The following RAB6B variants were observed in gnomAD, a reference collection of about 807,000 sequenced individuals.
The protein encoded by RAB6B is RAB6B, member RAS oncogene family.
RAB6B carries 7 observed loss-of-function variants against 31.2 expected under a neutral mutation model. The observed-to-expected ratio is 0.22, with a 90% CI of 0.13 to 0.42. The LOEUF is 0.42. Ranked by LOEUF, RAB6B falls within the 10% of genes least tolerant of loss-of-function variation. The pLI is 1.00. For missense variants in RAB6B, 149 were observed against 280.6 expected (o/e 0.53, Z 3.35); for synonymous variants, 105 against 104.9 (o/e 1.00, Z -0.01).
intron 4 of RAB6B, among the ~76,000 whole-genome samples, chr3:133,840,012 G>A (rs367956015): frequency 2.8e-4 from 43 of 152,200 alleles, no homozygotes; most frequent in Middle Eastern, 3.4e-3. Context: ...ACACATGCGC[G>A]CGCGACTTGG....
chr3:133,839,451 G>T, intron 5 of RAB6B, 55 bp downstream of exon 5: 1 of 1,427,610 alleles, frequency 7.0e-7, no homozygotes, highest in Non-Finnish European at 9.9e-7. Flanking sequence ...CTGTCCAGGA[G>T]CAGTTACAGA....
Position 133,825,188 on chromosome 3 carries a change from A to T in RAB6B, c.*3600T>A, listed in dbSNP as rs893056108. ...GGTCCCATCTCATCCTGACATCCTC[A>T]CCTGCCTTCCATCTTGTGAAGGAAT... is the stretch of plus-strand genomic sequence containing the variant. On this transcript the variant is annotated 3_prime_UTR_variant, in exon 8 of 8. Coordinates refer to ENST00000285208, the MANE Select transcript of RAB6B (RefSeq NM_016577.4). 2 of 151,956 alleles carry T rather than the reference A, an allele frequency of 1.3e-5. No homozygotes were observed. Among genetic ancestry groups the T allele is most frequent in the Admixed American group, 6.6e-5 (1 of 15,250 alleles). The allele number at this position is 151,956 out of a possible 1,614,324, so 9.4% of individuals were successfully genotyped here. A position where few individuals can be genotyped will look rare whatever the true frequency, so the allele number is the denominator to read the frequency against.
At chr3:133,841,173 C>T (rs11272529) in intron 4 of RAB6B, 112 bp downstream of exon 4, 51,260 of 702,980 alleles carry the variant, frequency 0.073, 2,059 homozygotes, top group East Asian at 0.18. Context: ...CACACACATG[C>T]GTGTGCACAC....
At chr3:133,864,780 G>C in intron 1 of RAB6B, 138 bp from the exon 2 acceptor site, 1 of 838,656 alleles carries the variant, frequency 1.2e-6, no homozygotes, top group Non-Finnish European at 2.0e-6. Flanking sequence ...AGAAGTGGGA[G>C]ACAGGCCCCT....
At chr3:133,868,709 G>T (rs1463440183) in intron 1 of RAB6B, among the ~76,000 whole-genome samples, 1 of 152,208 alleles carries the variant, frequency 6.6e-6, no homozygotes, top group East Asian at 1.9e-4. Flanking sequence ...GCAAGGAGAT[G>T]CATTTCTCCT....
At chr3:133,852,475 C>CT (rs5852767) in intron 2 of RAB6B, among the ~76,000 whole-genome samples, 115,959 of 142,524 alleles carry the variant, frequency 0.81, 49,058 homozygotes, top group Non-Finnish European at 0.95. Flanking sequence ...TTTTCTTTTT[C>CT]TTTTTTTTTT....
chr3:133,892,665 A>G (rs1002923009), intron 1 of RAB6B, among the ~76,000 whole-genome samples: 1 of 152,178 alleles, frequency 6.6e-6, no homozygotes, highest in African/African-American at 2.4e-5. Context: ...CACTCGGCTC[A>G]TATCGGCAAG....
intron 4 of RAB6B, among the ~76,000 whole-genome samples, chr3:133,840,572 T>A (rs1447281115): frequency 1.3e-5 from 2 of 152,178 alleles, no homozygotes; most frequent in African/African-American, 4.8e-5. Context: ...GGGACATGCA[T>A]GCTTCCTTGT....
chr3:133,873,075 C>T (rs536570458), intron 1 of RAB6B, among the ~76,000 whole-genome samples: 4 of 152,322 alleles, frequency 2.6e-5, no homozygotes, highest in African/African-American at 7.2e-5. Flanking sequence ...ACCCCATCTC[C>T]TCTATCCAAA....
At position 133,827,958 on chromosome 3, in the gene RAB6B, A is replaced by G. The variant is rs1465557639; in HGVS notation, c.*830T>C. On this transcript the variant is annotated 3_prime_UTR_variant, in exon 8 of 8. Coordinates refer to ENST00000285208, the MANE Select transcript of RAB6B (RefSeq NM_016577.4). ...TGGCACCCCAGTCTATAAACCACGC[A>G]CCACGCAGCTGCAATTGCCAACAGC... 10 of 702,844 alleles carry G rather than the reference A, an allele frequency of 1.4e-5. No individual in the cohort carries two copies. The highest frequency in any genetic ancestry group is 2.3e-5 in the Non-Finnish European group (9 of 384,958). The allele number at this position is 702,844 out of a possible 1,614,324, so 43.5% of individuals were successfully genotyped here.
intron 2 of RAB6B, among the ~76,000 whole-genome samples, chr3:133,842,213 G>C (rs2107992042): frequency 6.6e-6 from 1 of 152,328 alleles, no homozygotes; most frequent in Non-Finnish European, 1.5e-5. Flanking sequence ...CCTCTCGCTG[G>C]GAGGCCCCAC....
At chr3:133,887,021 G>C (rs1374118228) in intron 1 of RAB6B, among the ~76,000 whole-genome samples, 1 of 151,396 alleles carries the variant, frequency 6.6e-6, no homozygotes, top group African/African-American at 2.4e-5. Context: ...TGGTGATGGG[G>C]TGGGGGTGGG....
At chr3:133,866,229 C>A (rs544058046) in intron 1 of RAB6B, among the ~76,000 whole-genome samples, 43 of 152,286 alleles carry the variant, frequency 2.8e-4, no homozygotes, top group African/African-American at 9.9e-4. Flanking sequence ...CACCACCACC[C>A]CCAGCCCTCA....
chr3:133,829,647 G>A (rs941136999), intron 7 of RAB6B, among the ~76,000 whole-genome samples: 5 of 152,212 alleles, frequency 3.3e-5, no homozygotes, highest in Non-Finnish European at 5.9e-5. Context: ...GGGTGTGGTG[G>A]TATAAGAAAC....
At chr3:133,870,263 C>A (rs1408201951) in intron 1 of RAB6B, among the ~76,000 whole-genome samples, 1 of 152,138 alleles carries the variant, frequency 6.6e-6, no homozygotes, top group Admixed American at 6.5e-5. Context: ...ATAAAACCAT[C>A]AGATCTCATG....
chr3:133,859,998 T>C lies in RAB6B; in HGVS notation c.129+4586A>G, dbSNP rs555685624. On this transcript the variant is annotated intron_variant, in intron 2 of 7. Transcript: ENST00000285208. Reference sequence around the variant, plus strand: ...GGGAAATGGCCTCACCAGGTCGAGATGCTGGGCAGGAGGCACGTGAAGGGC... The same window carrying C: ...GGGAAATGGCCTCACCAGGTCGAGACGCTGGGCAGGAGGCACGTGAAGGGC... Among the ~76,000 whole-genome samples, 323 of 152,286 alleles carry C rather than the reference T, an allele frequency of 2.1e-3. 1 individual carries two copies. The highest frequency in any genetic ancestry group is 7.5e-3 in the African/African-American group (310 of 41,562).
rs1277081488 is a variant in RAB6B at position 133,889,388 on chromosome 3, T to TTTTATATATATA, written c.70+6008_70+6009insTATATATATAAA. ...ACAAAAGGACAATAAGGTTATTTTG[T>TTTTATATATATA]TATATATATATATATATATATATAT... On this transcript the variant is annotated intron_variant, in intron 1 of 7. Transcript: ENST00000285208. 2.4e-4 allele frequency among the ~76,000 whole-genome samples: 19 copies of TTTTATATATATA among 80,282 alleles called. 1 individual carries two copies. The highest frequency in any genetic ancestry group is 7.7e-4 in the South Asian group (2 of 2,584). 52.7% of individuals were successfully genotyped at this position (80,282 alleles called of 152,430 possible).
chr3:133,851,249 G>C (rs1293526861), intron 2 of RAB6B, among the ~76,000 whole-genome samples: 1 of 152,226 alleles, frequency 6.6e-6, no homozygotes. Context: ...GTAAATACAT[G>C]CATGGGTCAA....
rs75734620 is a variant in RAB6B at position 133,874,534 on chromosome 3, C to A, written c.71-9892G>T. 6.8e-3 allele frequency among the ~76,000 whole-genome samples: 1,034 copies of A among 152,316 alleles called. 5 individuals are homozygous for A. Among genetic ancestry groups the A allele is most frequent in the Non-Finnish European group, 8.8e-3 (597 of 68,028 alleles). ...GGACTGGAAGTCGTTCTGGGTGAGT[C>A]AGTCAGTGAGTGGTGAGTAAATGTG... On this transcript the variant is annotated intron_variant, in intron 1 of 7. Transcript: ENST00000285208.
Sources: allele counts gnomAD v4.1 joint callset (sites outside exome capture counted in the v4.1 genomes callset), GRCh38; gene constraint gnomAD v4.1.1; transcripts MANE v1.5; gene names NCBI Gene and HGNC (gene_info 2026-07-23, HGNC 2026-07-21).